The following CTNNA3 variants were observed in gnomAD, a reference collection of about 807,000 sequenced individuals.
CTNNA3 encodes catenin alpha 3, also known as catenin alpha-3.
Under a neutral mutation model 95.7 loss-of-function variants are expected in CTNNA3, and 76 were observed. The observed-to-expected ratio is 0.79, with a 90% CI of 0.66 to 0.96. The LOEUF is 0.96. Among genes scored for constraint, CTNNA3 ranks in the 40% least tolerant of loss-of-function variants. The pLI, the probability that CTNNA3 is intolerant of heterozygous loss-of-function variation, is 0.00. For synonymous variants in CTNNA3, 431 were observed against 374.4 expected, an observed-to-expected ratio of 1.15 and a Z score of -1.74; for missense variants, 1,191 against 1,089.8, an observed-to-expected ratio of 1.09 and a Z score of -1.31.
Position 66,340,452 on chromosome 10 carries a change from G to A in CTNNA3, c.1732+38700C>T, listed in dbSNP as rs536479966. Among the ~76,000 whole-genome samples, 51 of 151,772 alleles carry A rather than the reference G, an allele frequency of 3.4e-4. 1 individual carries two copies. The highest frequency in any genetic ancestry group is 3.8e-4 in the Non-Finnish European group (26 of 67,722). On this transcript the variant is annotated intron_variant, in intron 12 of 17. Coordinates refer to ENST00000433211, the MANE Select transcript of CTNNA3 (RefSeq NM_013266.4). ...TGGTAGAGCTGTTTGTTTGTTTTACGTACTCCACTAGACAGATAGTATAGA... is the reference window on the plus strand; with the variant it reads ...TGGTAGAGCTGTTTGTTTGTTTTACATACTCCACTAGACAGATAGTATAGA...
chr10:67,151,704 G>A (rs1861094829), intron 7 of CTNNA3, among the ~76,000 whole-genome samples: 1 of 152,210 alleles, frequency 6.6e-6, no homozygotes, highest in East Asian at 1.9e-4. Flanking sequence ...AAGCAGTTCA[G>A]TTTACGGAGT....
rs192572936 is a variant in CTNNA3, at chr10:66,935,611, G to A, written c.1048-160087C>T. ...CGTATTTGTATTTCCACCAAGGTAC[G>A]TATGTTGTACATGCCTAAAAAAATA... On this transcript the variant is annotated intron_variant, in intron 7 of 17. Transcript: ENST00000433211. Among the ~76,000 whole-genome samples the A allele has an allele frequency of 5.9e-5, 9 of 151,918 alleles. No homozygotes were observed. In the South Asian group the frequency reaches 6.2e-4, roughly 11 times the overall value.
rs183797965 is a variant in CTNNA3, at chr10:66,642,794, C to T, written c.1282-21010G>A. Among the ~76,000 whole-genome samples the T allele has an allele frequency of 9.8e-4, 149 of 152,242 alleles. 2 individuals are homozygous for T. The Middle Eastern group carries it at 0.014, about 14-fold the overall frequency. ...ACTTAATTTATTATTTTTGCAGTGA[C>T]ATCCTTGCAGGATTTCTTCTTTAAC... On this transcript the variant is annotated intron_variant, in intron 9 of 17. Transcript: ENST00000433211.
intron 7 of CTNNA3, among the ~76,000 whole-genome samples, chr10:66,776,633 T>C (rs1029582740): frequency 6.6e-6 from 1 of 152,162 alleles, no homozygotes; most frequent in Non-Finnish European, 1.5e-5. Flanking sequence ...ATTTTCTGTC[T>C]CTTCTCCCCA....
At chr10:67,134,421 C>A (rs770489442) in intron 7 of CTNNA3, among the ~76,000 whole-genome samples, 14 of 152,138 alleles carry the variant, frequency 9.2e-5, no homozygotes, top group Non-Finnish European at 1.5e-4. Context: ...ATGTATATTA[C>A]TGCAGCATAT....
rs1442064560 is a variant in CTNNA3, at chr10:65,918,121, A to G, written c.*2209T>C. On this transcript the variant is annotated 3_prime_UTR_variant, in exon 18 of 18. Coordinates refer to ENST00000433211, the MANE Select transcript of CTNNA3 (RefSeq NM_013266.4). ...AACTTGTTCACATCTCACTTTGGGTAAAAAGTCATTTTTATCAAAGAGATG... is the reference window on the plus strand; with the variant it reads ...AACTTGTTCACATCTCACTTTGGGTGAAAAGTCATTTTTATCAAAGAGATG... 1.3e-5 allele frequency: 2 copies of G among 152,162 alleles called. No homozygotes were observed. Among genetic ancestry groups the G allele is most frequent in the Non-Finnish European group, 2.9e-5 (2 of 68,026 alleles). 9.4% of individuals were successfully genotyped at this position (152,162 alleles called of 1,614,324 possible). A position where few individuals can be genotyped will look rare whatever the true frequency, so the allele number is the denominator to read the frequency against.
chr10:67,643,186 T>C (rs1027175114), intron 2 of CTNNA3, among the ~76,000 whole-genome samples: 7 of 151,592 alleles, frequency 4.6e-5, no homozygotes, highest in African/African-American at 1.7e-4. Context: ...ATGGATGGAG[T>C]TGGAAGTCAT....
At chr10:67,662,350 A>C (rs1259278324) in intron 1 of CTNNA3, among the ~76,000 whole-genome samples, 4 of 152,204 alleles carry the variant, frequency 2.6e-5, no homozygotes, top group Non-Finnish European at 5.9e-5. Context: ...TCTCTCGCAA[A>C]ATATCTTATT....
At chr10:66,958,091 T>A (rs961095287) in intron 7 of CTNNA3, among the ~76,000 whole-genome samples, 2 of 152,066 alleles carry the variant, frequency 1.3e-5, no homozygotes, top group Non-Finnish European at 2.9e-5. Flanking sequence ...CTTGCTGGCC[T>A]TCAGTACCAG....
At chr10:66,900,850 CAA>C (rs1423609322) in intron 7 of CTNNA3, among the ~76,000 whole-genome samples, 1 of 152,130 alleles carries the variant, frequency 6.6e-6, no homozygotes, top group Non-Finnish European at 1.5e-5. Flanking sequence ...AAGAAATGAA[CAA>C]AGTCTCCAAG....
At chr10:67,295,556 T>C (rs541149578) in intron 5 of CTNNA3, among the ~76,000 whole-genome samples, 83 of 152,328 alleles carry the variant, frequency 5.4e-4, no homozygotes, top group African/African-American at 1.7e-3. Context: ...TGCTTATATA[T>C]AGGCCATAAT....
intron 7 of CTNNA3, among the ~76,000 whole-genome samples, chr10:66,955,978 A>C (rs973584646): frequency 4.6e-5 from 7 of 152,134 alleles, no homozygotes; most frequent in Non-Finnish European, 8.8e-5. Context: ...GCTCTGCCAG[A>C]AAGGGGTGCT....
chr10:66,008,609 T>C (rs774236168), intron 15 of CTNNA3, among the ~76,000 whole-genome samples: 2 of 152,352 alleles, frequency 1.3e-5, no homozygotes, highest in African/African-American at 4.8e-5. Context: ...TATACGTCTA[T>C]GTTTCTTTAT....
chr10:66,481,608 A>T (rs1036224295), intron 11 of CTNNA3, among the ~76,000 whole-genome samples: 3 of 146,676 alleles, frequency 2.0e-5, no homozygotes, highest in Non-Finnish European at 4.4e-5. Context: ...AGTAGCTGGG[A>T]CTACAGGCGC....
At chr10:67,011,931 T>C (rs1426316808) in intron 7 of CTNNA3, among the ~76,000 whole-genome samples, 2 of 152,150 alleles carry the variant, frequency 1.3e-5, no homozygotes, top group Non-Finnish European at 2.9e-5. Context: ...AAACCCACTA[T>C]GGAGCCCCAG....
At chr10:66,781,246 G>C (rs914425003) in intron 7 of CTNNA3, among the ~76,000 whole-genome samples, 4 of 152,072 alleles carry the variant, frequency 2.6e-5, no homozygotes, top group Non-Finnish European at 4.4e-5. Context: ...TTTTATTTTT[G>C]TTTTGTAAGT....
chr10:66,873,559 G>T (rs1446023206), intron 7 of CTNNA3, among the ~76,000 whole-genome samples: 3 of 151,772 alleles, frequency 2.0e-5, no homozygotes. Context: ...TTTTTTAATG[G>T]AGTAATTTGG....
intron 11 of CTNNA3, among the ~76,000 whole-genome samples, chr10:66,505,787 C>T (rs1330042034): frequency 6.6e-6 from 1 of 152,132 alleles, no homozygotes; most frequent in Non-Finnish European, 1.5e-5. Flanking sequence ...TTTAGCACTA[C>T]ATCACTTACT....
chr10:67,188,291 T>C (rs1862957623), intron 6 of CTNNA3, among the ~76,000 whole-genome samples: 1 of 151,862 alleles, frequency 6.6e-6, no homozygotes, highest in South Asian at 2.1e-4. Flanking sequence ...AGCCCAGGAG[T>C]TCAACATCAG....
Sources: allele counts gnomAD v4.1 joint callset (sites outside exome capture counted in the v4.1 genomes callset), GRCh38; gene constraint gnomAD v4.1.1; transcripts MANE v1.5; gene names NCBI Gene and HGNC (gene_info 2026-07-23, HGNC 2026-07-21).